Variants in TIMM23 observed in about 807,000 individuals in gnomAD.
TIMM23 encodes the protein translocase of inner mitochondrial membrane 23, also known as mitochondrial import inner membrane translocase subunit Tim23.
In TIMM23, 19 loss-of-function variants were observed where a neutral mutation model predicts 30.7. That is an observed-to-expected ratio of 0.62 (90% CI 0.43 to 0.91). TIMM23 has a LOEUF of 0.91. TIMM23 is among the 40% of genes least tolerant of loss of function. TIMM23 has a pLI of 0.00. For missense variants in TIMM23, 202 were observed against 269.2 expected, an observed-to-expected ratio of 0.75 and a Z score of 1.75; for synonymous variants, 78 against 98.5, an observed-to-expected ratio of 0.79 and a Z score of 1.23.
At chr10:45,976,132 T>C (rs1837665873) in intron 2 of TIMM23, among the ~76,000 whole-genome samples, 1 of 152,180 alleles carries the variant, frequency 6.6e-6, no homozygotes, top group East Asian at 1.9e-4. Context: ...CAAGATATAT[T>C]AGGAAATATA....
chr10:45,978,572 GAAAT>G (rs1290346972), intron 2 of TIMM23, among the ~76,000 whole-genome samples: 15 of 152,128 alleles, frequency 9.9e-5, no homozygotes, highest in Non-Finnish European at 4.4e-5. Context: ...ATTAATTAGA[GAAAT>G]AAAACCACAA....
intron 4 of TIMM23, among the ~76,000 whole-genome samples, chr10:45,983,233 G>A (rs1176122195): frequency 2.6e-4 from 39 of 152,232 alleles, no homozygotes; most frequent in African/African-American, 6.5e-4. Context: ...AAATTGTTGA[G>A]TTGCTAATGG....
At chr10:45,976,246 A>G (rs1837668844) in intron 2 of TIMM23, among the ~76,000 whole-genome samples, 1 of 151,590 alleles carries the variant, frequency 6.6e-6, no homozygotes, top group Non-Finnish European at 1.5e-5. Context: ...TATAGTACAA[A>G]GACCACATGC....
rs1554914376 is a variant in TIMM23 at position 45,983,377 on chromosome 10, A to T, written c.344+447A>T. Among the ~76,000 whole-genome samples, 4 of 152,252 alleles carry T rather than the reference A, an allele frequency of 2.6e-5. No homozygotes were observed. The East Asian group carries it at 5.8e-4, about 22-fold the overall frequency. Reference sequence around the variant, plus strand: ...ACTGTCTTGACTTTATGTTTCCGAAATGATGAGCCAGATACATTTTAAATA... The same window carrying T: ...ACTGTCTTGACTTTATGTTTCCGAATTGATGAGCCAGATACATTTTAAATA... On this transcript the variant is annotated intron_variant, in intron 4 of 6. Transcript: ENST00000580018.
chr10:45,992,918 C>T (rs1391336561), intron 6 of TIMM23, among the ~76,000 whole-genome samples: 72 of 152,254 alleles, frequency 4.7e-4, no homozygotes, highest in African/African-American at 1.6e-3. Context: ...ACTTTGATGA[C>T]TCCAGATTCT....
intron 2 of TIMM23, among the ~76,000 whole-genome samples, chr10:45,979,060 T>G (rs1837762006): frequency 6.6e-6 from 1 of 152,184 alleles, no homozygotes; most frequent in African/African-American, 2.4e-5. Context: ...GTTCCATTTA[T>G]ATGGAATGTC....
chr10:45,978,599 T>C (rs1264311610), intron 2 of TIMM23, among the ~76,000 whole-genome samples: 1 of 152,172 alleles, frequency 6.6e-6, no homozygotes, highest in African/African-American at 2.4e-5. Context: ...AGATACCTCT[T>C]TACACCCACG....
chr10:45,975,939 C>T (rs1199129753), intron 2 of TIMM23, among the ~76,000 whole-genome samples: 1 of 152,108 alleles, frequency 6.6e-6, no homozygotes, highest in Non-Finnish European at 1.5e-5. Context: ...GTAGCTGGGA[C>T]TACAGGCGCC....
intron 6 of TIMM23, 78 bp from the exon 7 acceptor site, chr10:46,003,125 C>CT: frequency 1.6e-6 from 2 of 1,212,254 alleles, no homozygotes; most frequent in African/African-American, 3.0e-5. Context: ...TTTCACAGTA[C>CT]TTTTTATTTA....
intron 6 of TIMM23, among the ~76,000 whole-genome samples, chr10:45,989,139 A>G (rs1392129558): frequency 1.3e-5 from 2 of 152,148 alleles, no homozygotes; most frequent in African/African-American, 2.4e-5. Context: ...AAGCCTCCCA[A>G]TTTACCACTT....
intron 2 of TIMM23, among the ~76,000 whole-genome samples, chr10:45,977,949 T>A (rs1837723751): frequency 6.6e-6 from 1 of 152,004 alleles, no homozygotes; most frequent in Non-Finnish European, 1.5e-5. Flanking sequence ...GAGAATCACT[T>A]GAACCTGGGA....
intron 2 of TIMM23, among the ~76,000 whole-genome samples, chr10:45,980,939 C>CT (rs1837823665): frequency 1.5e-5 from 2 of 131,222 alleles, no homozygotes; most frequent in Non-Finnish European, 3.3e-5. Context: ...TTTAAGTTTT[C>CT]TTTTCTTTTT....
chr10:45,973,169 T>C (rs1342403734), intron 1 of TIMM23, among the ~76,000 whole-genome samples: 1 of 49,248 alleles, frequency 2.0e-5, no homozygotes, highest in Non-Finnish European at 3.8e-5. Flanking sequence ...TAATATTGTT[T>C]GTAAGTGAGA....
At chr10:46,002,498 G>T (rs1263949905) in intron 6 of TIMM23, 2 of 984,708 alleles carry the variant, frequency 2.0e-6, no homozygotes, top group Non-Finnish European at 2.4e-6. Context: ...AATATTTGGA[G>T]GACCCATCCA....
intron 6 of TIMM23, among the ~76,000 whole-genome samples, chr10:46,001,965 A>G (rs1838551997): frequency 1.3e-5 from 2 of 152,144 alleles, no homozygotes; most frequent in East Asian, 1.9e-4. Context: ...TTGTTTCTCC[A>G]TTGCAAGTGA....
At position 46,003,541 on chromosome 10, in the gene TIMM23, G is replaced by C. The variant is rs148656234; in HGVS notation, c.*223G>C. On this transcript the variant is annotated 3_prime_UTR_variant, in exon 7 of 7. Transcript: ENST00000580018. ...CTTTGGTGACTCACTGAGTACCATGGTTCTGTTCTCCTCTGGAGATCTTGC... is the reference window on the plus strand; with the variant it reads ...CTTTGGTGACTCACTGAGTACCATGCTTCTGTTCTCCTCTGGAGATCTTGC... 283 of 436,128 alleles carry C rather than the reference G, an allele frequency of 6.5e-4. 6 individuals are homozygous for C. The East Asian group carries it at 0.01, about 16-fold the overall frequency. 27.0% of individuals were successfully genotyped at this position (436,128 alleles called of 1,614,324 possible).
In TIMM23 at chr10:45,973,110, C is replaced by G. The variant is rs587761371; in HGVS notation, c.106+380C>G. ...AGCCCGTAGTTAACTTTTTAGTACA[C>G]AGCGACATATTCTGAGCCTCCAAGT... On this transcript the variant is annotated intron_variant, in intron 1 of 6. Coordinates refer to ENST00000580018, the MANE Select transcript of TIMM23 (RefSeq NM_006327.4). 1.0e-3 allele frequency among the ~76,000 whole-genome samples: 157 copies of G among 152,280 alleles called. 1 individual carries two copies. Among genetic ancestry groups the G allele is most frequent in the African/African-American group, 3.4e-3 (142 of 41,552 alleles).
At chr10:45,980,468 T>A (rs1837808740) in intron 2 of TIMM23, among the ~76,000 whole-genome samples, 4 of 151,738 alleles carry the variant, frequency 2.6e-5, no homozygotes, top group Admixed American at 2.0e-4. Flanking sequence ...TCTTGTATCC[T>A]TATTGATTTT....
intron 6 of TIMM23, 127 bp from the exon 7 acceptor site, chr10:46,003,076 C>G: frequency 1.5e-6 from 1 of 671,554 alleles, no homozygotes; most frequent in Middle Eastern, 2.7e-4. Context: ...CTCGGCCTCC[C>G]GAAGTGCTGG....
Sources: gnomAD v4.1 joint callset for allele counts (sites outside exome capture counted in the v4.1 genomes callset) on GRCh38, gnomAD v4.1.1 for gene constraint, MANE v1.5 for transcripts, NCBI Gene and HGNC (gene_info 2026-07-23, HGNC 2026-07-21) for gene names.